Variants in PALS1 observed in about 807,000 individuals in gnomAD.
PALS1 encodes protein PALS1.
A neutral mutation model predicts 78.9 loss-of-function variants in PALS1; 31 were observed. That is an observed-to-expected ratio of 0.39 (90% CI 0.30 to 0.53). The LOEUF (loss-of-function observed/expected upper bound fraction) is 0.53, where lower values mean the gene tolerates loss of function less well. PALS1 is among the 20% of genes least tolerant of loss of function. The pLI is 0.67. For synonymous variants in PALS1, 276 were observed against 270.9 expected (o/e 1.02, Z -0.18); for missense variants, 704 against 826.5 (o/e 0.85, Z 1.82).
rs143175731 is a variant in PALS1 at position 67,332,851 on chromosome 14, G to C, written c.1923G>C (p.Thr641=). 4 of 1,613,966 alleles carry C rather than the reference G, an allele frequency of 2.5e-6. No individual in the cohort carries two copies. The highest frequency in any genetic ancestry group is 1.7e-5 in the Admixed American group (1 of 59,992). The change falls in exon 15 of 15, where the codon ACG becomes ACC. Residue 641 remains threonine, a synonymous_variant. Transcript: ENST00000261681. Reference sequence around the variant, plus strand: ...AGAACAATGGCCACTACTTTGATACGGCAATTGTGAATTCCGATCTTGATA... The same window carrying C: ...AGAACAATGGCCACTACTTTGATACCGCAATTGTGAATTCCGATCTTGATA... ...MEQNNGHYFD[T]AIVNSDLDKA... is the part of the protein sequence containing the mutation.
In PALS1 at chr14:67,250,120, TGATGTA is replaced by T. The variant is rs146304302; in HGVS notation, c.-237+8591_-237+8596del. 9.4e-3 allele frequency among the ~76,000 whole-genome samples: 1,424 copies of T among 152,294 alleles called. 18 individuals are homozygous for T. Among genetic ancestry groups the T allele is most frequent in the African/African-American group, 0.032 (1,316 of 41,568 alleles). On this transcript the variant is annotated intron_variant, in intron 1 of 14. Coordinates refer to ENST00000261681, the MANE Select transcript of PALS1 (RefSeq NM_022474.4). ...TCACATCCTACAACTTGAAAACCAT[TGATGTA>T]GATAGACGAAAGTAACCCTTCTCCA...
At chr14:67,283,171 A>G (rs1469528399) in intron 3 of PALS1, among the ~76,000 whole-genome samples, 2 of 152,188 alleles carry the variant, frequency 1.3e-5, no homozygotes, top group Admixed American at 6.5e-5. Flanking sequence ...GGAAAAACAC[A>G]CCACGGGGAA....
chr14:67,315,268 ATTTTTTTTT>A (rs531037352), intron 9 of PALS1, among the ~76,000 whole-genome samples: 1 of 101,590 alleles, frequency 9.8e-6, no homozygotes. Flanking sequence ...CTTATTTTTA[ATTTTTTTTT>A]TTTTTTTTTT....
chr14:67,273,699 C>G (rs2084452689), intron 2 of PALS1, among the ~76,000 whole-genome samples: 3 of 152,206 alleles, frequency 2.0e-5, no homozygotes, highest in Non-Finnish European at 2.9e-5. Context: ...AATTGCCATA[C>G]TGTCTTCCAC....
intron 1 of PALS1, among the ~76,000 whole-genome samples, chr14:67,265,226 C>T (rs1166202202): frequency 6.6e-6 from 1 of 152,110 alleles, no homozygotes; most frequent in East Asian, 1.9e-4. Flanking sequence ...TTTAGAAATG[C>T]CTTTTATTAT....
intron 11 of PALS1, among the ~76,000 whole-genome samples, chr14:67,319,792 A>G (rs1006046905): frequency 5.9e-5 from 9 of 152,318 alleles, no homozygotes; most frequent in South Asian, 4.1e-4. Context: ...TGTAGCCACT[A>G]TATGTAAATG....
chr14:67,324,709 C>A (rs185122351), intron 14 of PALS1, among the ~76,000 whole-genome samples: 73 of 152,046 alleles, frequency 4.8e-4, no homozygotes, highest in Middle Eastern at 3.4e-3. Context: ...CCAGCCTGTC[C>A]AAGTGGCTGG....
At chr14:67,316,092 G>C (rs545839214) in intron 9 of PALS1, among the ~76,000 whole-genome samples, 1 of 152,216 alleles carries the variant, frequency 6.6e-6, no homozygotes, top group African/African-American at 2.4e-5. Context: ...AAAAAAAGTA[G>C]ATTTAAAAAT....
chr14:67,265,134 AGTT>A (rs1203458894), intron 1 of PALS1, among the ~76,000 whole-genome samples: 1 of 152,232 alleles, frequency 6.6e-6, no homozygotes, highest in African/African-American at 2.4e-5. Context: ...TGAAAATAGC[AGTT>A]GTTTCTTTGG....
intron 4 of PALS1, chr14:67,295,041 C>T (rs2084825652): frequency 6.6e-6 from 1 of 151,638 alleles, no homozygotes; most frequent in African/African-American, 2.4e-5. Context: ...TTATAAACAC[C>T]TTTAAGAGAG....
intron 1 of PALS1, among the ~76,000 whole-genome samples, chr14:67,260,742 G>T (rs909974859): frequency 6.6e-6 from 1 of 152,070 alleles, no homozygotes; most frequent in Non-Finnish European, 1.5e-5. Context: ...AATATAAGCA[G>T]TACACAAAAT....
At position 67,326,980 on chromosome 14, in the gene PALS1, G is replaced by T. The variant is rs2085367893; in HGVS notation, c.1851+3168G>T. Among the ~76,000 whole-genome samples the T allele has an allele frequency of 2.0e-5, 3 of 152,122 alleles. No individual in the cohort carries two copies. The South Asian group carries it at 6.2e-4, about 32-fold the overall frequency. On this transcript the variant is annotated intron_variant, in intron 14 of 14. Transcript: ENST00000261681. ...ACTTGAGGTGAGGAGTTTGAGACCA[G>T]CCTGGCTAACATAGTGAAACCCCGT...
At chr14:67,253,395 A>G (rs2084094342) in intron 1 of PALS1, among the ~76,000 whole-genome samples, 1 of 152,226 alleles carries the variant, frequency 6.6e-6, no homozygotes, top group Non-Finnish European at 1.5e-5. Flanking sequence ...GTGAAAGTCA[A>G]ATGAGAGAAA....
At chr14:67,297,229 AT>A (rs889663404) in intron 4 of PALS1, among the ~76,000 whole-genome samples, 21 of 152,340 alleles carry the variant, frequency 1.4e-4, no homozygotes, top group Non-Finnish European at 2.6e-4. Flanking sequence ...AGTATTCAAC[AT>A]TTTTTGGCAG....
intron 2 of PALS1, chr14:67,270,222 C>T (rs1261217538): frequency 6.6e-6 from 1 of 152,162 alleles, no homozygotes; most frequent in Non-Finnish European, 1.5e-5. Flanking sequence ...TATTTAGCTT[C>T]CCATTGCCCC....
chr14:67,282,736 T>C (rs1466900586), intron 3 of PALS1, among the ~76,000 whole-genome samples: 1 of 152,090 alleles, frequency 6.6e-6, no homozygotes, highest in Non-Finnish European at 1.5e-5. Context: ...TTGGCATTAG[T>C]TTTTAAAGCT....
intron 5 of PALS1, 62 bp downstream of exon 5, chr14:67,301,528 C>T: frequency 8.3e-7 from 1 of 1,197,688 alleles, no homozygotes; most frequent in South Asian, 1.4e-5. Context: ...TTTTTTAAAT[C>T]AAAGACTCCA....
At chr14:67,241,969 G>A (rs984055203) in intron 1 of PALS1, 3 of 152,190 alleles carry the variant, frequency 2.0e-5, no homozygotes, top group African/African-American at 7.2e-5. Context: ...GCGTTCCTCT[G>A]CCTGACTCAG....
At chr14:67,318,682 A>AT (rs1283981132) in intron 11 of PALS1, among the ~76,000 whole-genome samples, 1 of 152,238 alleles carries the variant, frequency 6.6e-6, no homozygotes, top group African/African-American at 2.4e-5. Flanking sequence ...ACTACAATTC[A>AT]TAATAACTGC....
Sources: gnomAD v4.1 joint callset for allele counts (sites outside exome capture counted in the v4.1 genomes callset) on GRCh38, gnomAD v4.1.1 for gene constraint, MANE v1.5 for transcripts, NCBI Gene and HGNC (gene_info 2026-07-23, HGNC 2026-07-21) for gene names.